SARNP: variants seen among roughly 807,000 people sequenced by gnomAD.
SARNP encodes SAP domain-containing ribonucleoprotein.
A neutral mutation model predicts 38.1 loss-of-function variants in SARNP; 5 were observed. The ratio of observed to expected loss-of-function variants is 0.13; its 90% CI spans 0.07 to 0.28. The LOEUF (loss-of-function observed/expected upper bound fraction) is 0.28, where lower values mean the gene tolerates loss of function less well. Among genes scored for constraint, SARNP ranks in the 10% least tolerant of loss-of-function variants. The probability of loss-of-function intolerance (pLI) is 1.00; values close to 1 mark genes in which losing one functional copy is unlikely to be tolerated. For missense variants in SARNP, 180 were observed against 243.9 expected (o/e 0.74, Z 1.75); for synonymous variants, 84 against 80.6 (o/e 1.04, Z -0.23).
intron 9 of SARNP, among the ~76,000 whole-genome samples, chr12:55,765,661 A>T (rs1009157070): frequency 6.6e-6 from 1 of 151,966 alleles, no homozygotes; most frequent in Non-Finnish European, 1.5e-5. Context: ...CCTTTTAAAC[A>T]AGATCTTTGG....
intron 7 of SARNP, chr12:55,793,366 G>C (rs1191114880): frequency 1.3e-5 from 2 of 152,084 alleles, no homozygotes; most frequent in African/African-American, 4.8e-5. Context: ...CAAGCAAAAA[G>C]AAATAAATCA....
At chr12:55,796,183 C>T (rs1323928938) in intron 4 of SARNP, 107 bp from the exon 5 acceptor site, 2 of 747,826 alleles carry the variant, frequency 2.7e-6, no homozygotes, top group Non-Finnish European at 4.6e-6. Flanking sequence ...CCTATTATCT[C>T]TCTGCCACCC....
chr12:55,771,328 G>C (rs1879002522), intron 9 of SARNP, among the ~76,000 whole-genome samples: 1 of 152,182 alleles, frequency 6.6e-6, no homozygotes, highest in African/African-American at 2.4e-5. Flanking sequence ...ACAAAGCAAA[G>C]TGTAACCCAA....
chr12:55,773,397 T>C (rs1040231281), intron 9 of SARNP, among the ~76,000 whole-genome samples: 2 of 152,218 alleles, frequency 1.3e-5, no homozygotes, highest in Non-Finnish European at 2.9e-5. Context: ...CCAAAGTTTA[T>C]GCTTCCTACA....
At chr12:55,770,593 T>C (rs1322413683) in intron 9 of SARNP, among the ~76,000 whole-genome samples, 1 of 152,074 alleles carries the variant, frequency 6.6e-6, no homozygotes, top group African/African-American at 2.4e-5. Context: ...ATGGCATATA[T>C]ACTGTAGCCA....
chr12:55,810,635 A>G (rs1880298952), intron 1 of SARNP, among the ~76,000 whole-genome samples: 1 of 151,452 alleles, frequency 6.6e-6, no homozygotes, highest in Non-Finnish European at 1.5e-5. Flanking sequence ...TATTTTTTAG[A>G]AGAGATGGGA....
chr12:55,809,963 T>C (rs1880277487), intron 1 of SARNP, among the ~76,000 whole-genome samples: 2 of 152,342 alleles, frequency 1.3e-5, no homozygotes, highest in Non-Finnish European at 2.9e-5. Context: ...TGTGAACTTG[T>C]GCATGATTAC....
intron 7 of SARNP, among the ~76,000 whole-genome samples, chr12:55,791,107 G>A (rs1879654544): frequency 2.0e-5 from 3 of 152,062 alleles, no homozygotes; most frequent in Admixed American, 2.0e-4. Flanking sequence ...TACACTATAC[G>A]CACTATACGA....
intron 10 of SARNP, among the ~76,000 whole-genome samples, chr12:55,757,872 C>T (rs770119497): frequency 6.6e-6 from 1 of 152,170 alleles, no homozygotes; most frequent in African/African-American, 2.4e-5. Flanking sequence ...TGAGATCAAG[C>T]TAGCCTGGAA....
intron 9 of SARNP, among the ~76,000 whole-genome samples, chr12:55,774,479 G>T (rs1026151475): frequency 1.3e-5 from 2 of 150,448 alleles, no homozygotes; most frequent in Admixed American, 6.6e-5. Flanking sequence ...CAGGACTTTG[G>T]GAGGCCTACG....
chr12:55,802,938 A>AC (rs1419507661), intron 2 of SARNP, among the ~76,000 whole-genome samples: 2 of 151,366 alleles, frequency 1.3e-5, no homozygotes, highest in African/African-American at 4.8e-5. Context: ...AAAAAAAAAA[A>AC]CACAATACTT....
At chr12:55,779,675 CCT>C (rs1429628817) in intron 9 of SARNP, among the ~76,000 whole-genome samples, 1 of 152,018 alleles carries the variant, frequency 6.6e-6, no homozygotes, top group African/African-American at 2.4e-5. Context: ...AATTACAGAC[CCT>C]CTGAGAAGAC....
chr12:55,785,529 C>T (rs1225855841), intron 9 of SARNP, among the ~76,000 whole-genome samples: 1 of 151,370 alleles, frequency 6.6e-6, no homozygotes, highest in Non-Finnish European at 1.5e-5. Flanking sequence ...GTGGCTCACG[C>T]CTGTAATCCC....
In SARNP at chr12:55,814,537, C is replaced by G. The variant is rs147828938; in HGVS notation, c.36+3129G>C. On this transcript the variant is annotated intron_variant, in intron 1 of 10. Coordinates refer to ENST00000336133, the MANE Select transcript of SARNP (RefSeq NM_033082.4). ...CTGGATATCTGATACTGTTACAGTT[C>G]AAGCCATTTTCATCCACAGTTCAAT... 3.1e-3 allele frequency among the ~76,000 whole-genome samples: 474 copies of G among 152,254 alleles called. 4 individuals carry two copies. The highest frequency in any genetic ancestry group is 0.011 in the African/African-American group (442 of 41,520).
intron 2 of SARNP, among the ~76,000 whole-genome samples, 162 bp downstream of exon 2, chr12:55,803,467 G>C (rs1880044189): frequency 6.7e-6 from 1 of 148,656 alleles, no homozygotes; most frequent in African/African-American, 2.5e-5. Context: ...CTGGGCAACA[G>C]AGCAAGACTC....
At chr12:55,767,870 AAGG>A (rs1878888798) in intron 9 of SARNP, among the ~76,000 whole-genome samples, 1 of 150,388 alleles carries the variant, frequency 6.6e-6, no homozygotes, top group African/African-American at 2.4e-5. Context: ...AAAAAAAAAA[AAGG>A]ATATACACAC....
intron 9 of SARNP, among the ~76,000 whole-genome samples, chr12:55,787,947 C>T (rs1879553085): frequency 6.6e-6 from 1 of 151,978 alleles, no homozygotes; most frequent in Non-Finnish European, 1.5e-5. Context: ...GACGGGGTTT[C>T]ACCGTGTTAG....
chr12:55,794,448 T>G, intron 6 of SARNP, 61 bp from the exon 7 acceptor site: 1 of 1,461,596 alleles, frequency 6.8e-7, no homozygotes, highest in South Asian at 1.2e-5. Context: ...TTTGTCTGTC[T>G]CCGTGTCAAG....
intron 1 of SARNP, among the ~76,000 whole-genome samples, chr12:55,811,081 CAA>C (rs11324252): frequency 1.2e-3 from 174 of 142,276 alleles, no homozygotes; most frequent in Non-Finnish European, 1.1e-3. Context: ...GACTCCATCC[CAA>C]AAAAAAAAAA....
Sources: gnomAD v4.1 joint callset for allele counts (sites outside exome capture counted in the v4.1 genomes callset) on GRCh38, gnomAD v4.1.1 for gene constraint, MANE v1.5 for transcripts, NCBI Gene and HGNC (gene_info 2026-07-23, HGNC 2026-07-21) for gene names.